The following LRP1B variants were observed in gnomAD, a reference collection of about 807,000 sequenced individuals.
The protein encoded by LRP1B is LDL receptor related protein 1B, also known as low-density lipoprotein receptor-related protein 1B.
LRP1B carries 217 observed loss-of-function variants against 556.6 expected under a neutral mutation model. The ratio of observed to expected loss-of-function variants is 0.39; its 90% CI spans 0.35 to 0.44. The LOEUF is 0.44. LRP1B is among the 20% of genes least tolerant of loss of function. The pLI is 1.00. For missense variants in LRP1B, 5,053 were observed against 5,620.8 expected, an observed-to-expected ratio of 0.90 and a Z score of 3.23; for synonymous variants, 2,047 against 1,865.8, an observed-to-expected ratio of 1.10 and a Z score of -2.50.
rs1681200002 is a variant in LRP1B, at chr2:140,247,121, G to T, written c.13289C>A (p.Ala4430Asp). The part of the protein sequence containing the change: ...NWSGTQCERP[A>D]PKSSKSDHIS... The stretch of plus-strand genomic sequence containing the variant: ...ATGATCAGACTTGCTGCTCTTTGGG[G>T]CTGGCCTTTCACACTGTGTGCCTGA... The change falls in exon 87 of 91, where the codon GCC (alanine) becomes GAC (aspartate). Residue 4430 changes from alanine to aspartate, a missense_variant. Around this residue, in one of 5 missense-constraint regions of LRP1B, gnomAD observed 551 missense variants for 592.0 expected, o/e 0.93. Transcript: ENST00000389484. 1.9e-6 allele frequency: 3 copies of T among 1,609,404 alleles called. No individual in the cohort carries two copies. Among genetic ancestry groups the T allele is most frequent in the Non-Finnish European group, 2.5e-6 (3 of 1,176,768 alleles).
chr2:141,554,300 A>G (rs889307583), intron 2 of LRP1B, among the ~76,000 whole-genome samples: 3 of 139,068 alleles, frequency 2.2e-5, no homozygotes, highest in African/African-American at 9.0e-5. Flanking sequence ...GATATAGATT[A>G]TATATATCTA....
In LRP1B at chr2:141,591,199, TC is replaced by T. The variant is rs1687321941; in HGVS notation, c.206-110667del. Among the ~76,000 whole-genome samples the T allele has an allele frequency of 2.6e-5, 4 of 152,210 alleles. No homozygotes were observed. In the South Asian group the frequency reaches 6.2e-4, roughly 24 times the overall value. On this transcript the variant is annotated intron_variant, in intron 2 of 90. Transcript: ENST00000389484. ...CATTTTCACTTCCCTCTCTCATACT[TC>T]CTAATTACTCCAGAGCTTCATGTAG...
At chr2:140,463,183 G>A (rs1687394275) in intron 60 of LRP1B, among the ~76,000 whole-genome samples, 1 of 152,108 alleles carries the variant, frequency 6.6e-6, no homozygotes, top group South Asian at 2.1e-4. Flanking sequence ...CCAGTGGGAG[G>A]GTGGGTGGAT....
intron 35 of LRP1B, among the ~76,000 whole-genome samples, chr2:140,757,708 G>A (rs947139161): frequency 9.9e-5 from 15 of 151,984 alleles, no homozygotes; most frequent in South Asian, 2.1e-4. Context: ...TGGCAAAACC[G>A]CATCTCTGCT....
chr2:141,459,009 C>T lies in LRP1B; in HGVS notation c.343+21387G>A, dbSNP rs949264492. 4.6e-5 allele frequency among the ~76,000 whole-genome samples: 7 copies of T among 152,144 alleles called. No homozygotes were observed. The East Asian group carries it at 1.4e-3, about 29-fold the overall frequency. On this transcript the variant is annotated intron_variant, in intron 3 of 90. Transcript: ENST00000389484. ...ACAACTGCTGTCCAGGTTTCTAAAA[C>T]AGACAAAATGGCAGTCCAGAAACAC...
At chr2:141,366,209 G>A (rs1438196475) in intron 3 of LRP1B, among the ~76,000 whole-genome samples, 1 of 152,104 alleles carries the variant, frequency 6.6e-6, no homozygotes, top group African/African-American at 2.4e-5. Context: ...TAGAGATACA[G>A]AAATAATTTT....
intron 3 of LRP1B, among the ~76,000 whole-genome samples, chr2:141,430,812 T>C (rs1470080131): frequency 9.2e-5 from 14 of 152,024 alleles, no homozygotes; most frequent in Admixed American, 9.2e-4. Flanking sequence ...GCAGAGACAA[T>C]TAAGGTTCCT....
intron 2 of LRP1B, among the ~76,000 whole-genome samples, chr2:141,617,138 G>A (rs766514843): frequency 2.0e-5 from 3 of 151,838 alleles, no homozygotes; most frequent in Admixed American, 1.3e-4. Flanking sequence ...GATTACATTC[G>A]GGTGTCTGCC....
chr2:141,159,799 A>G (rs1239791956), intron 7 of LRP1B, among the ~76,000 whole-genome samples: 1 of 152,220 alleles, frequency 6.6e-6, no homozygotes, highest in Non-Finnish European at 1.5e-5. Flanking sequence ...TTAGTTAAAA[A>G]TATATGGCAA....
intron 41 of LRP1B, among the ~76,000 whole-genome samples, chr2:140,637,701 T>C (rs1684121000): frequency 6.6e-6 from 1 of 152,128 alleles, no homozygotes; most frequent in Admixed American, 6.6e-5. Context: ...TGCAGTCTCA[T>C]AAAAAGGAAG....
chr2:141,642,824 A>G (rs1010154895), intron 2 of LRP1B, among the ~76,000 whole-genome samples: 1 of 152,130 alleles, frequency 6.6e-6, no homozygotes, highest in African/African-American at 2.4e-5. Context: ...GTTCTTAGAG[A>G]GATTAAAATG....
chr2:141,453,693 G>A (rs1346963838), intron 3 of LRP1B, among the ~76,000 whole-genome samples: 1 of 152,110 alleles, frequency 6.6e-6, no homozygotes, highest in Non-Finnish European at 1.5e-5. Flanking sequence ...CGAGGCAGGT[G>A]GATGTCCTGA....
intron 2 of LRP1B, among the ~76,000 whole-genome samples, chr2:141,525,380 G>A (rs1684663373): frequency 6.6e-6 from 1 of 152,002 alleles, no homozygotes; most frequent in Admixed American, 6.6e-5. Context: ...AACTGGAATA[G>A]GCTACTGCTT....
intron 7 of LRP1B, among the ~76,000 whole-genome samples, chr2:141,170,466 G>A (rs1017482782): frequency 2.6e-5 from 4 of 151,990 alleles, no homozygotes; most frequent in Non-Finnish European, 5.9e-5. Context: ...TTTTCACTCC[G>A]AAAGAAATGG....
chr2:142,016,211 C>T (rs962197602), intron 1 of LRP1B, among the ~76,000 whole-genome samples: 9 of 151,984 alleles, frequency 5.9e-5, no homozygotes, highest in East Asian at 5.8e-4. Flanking sequence ...GAAATAGGAA[C>T]GCTTTTACAC....
At chr2:140,984,440 G>A (rs1419625446) in intron 17 of LRP1B, among the ~76,000 whole-genome samples, 4 of 151,394 alleles carry the variant, frequency 2.6e-5, no homozygotes, top group Admixed American at 2.6e-4. Flanking sequence ...ATTCTAATTG[G>A]CCTGTAATAA....
chr2:140,346,487 G>A (rs901923938), intron 77 of LRP1B, among the ~76,000 whole-genome samples: 1 of 151,828 alleles, frequency 6.6e-6, no homozygotes, highest in Admixed American at 6.6e-5. Context: ...ACCACAAATG[G>A]TAATGATGTA....
chr2:140,324,490 C>A (rs1680345521), intron 80 of LRP1B, among the ~76,000 whole-genome samples: 3 of 151,966 alleles, frequency 2.0e-5, no homozygotes. Context: ...GTTTATTAAG[C>A]AATCAATCAA....
chr2:141,994,700 C>T (rs919727914), intron 1 of LRP1B, among the ~76,000 whole-genome samples: 1 of 152,046 alleles, frequency 6.6e-6, no homozygotes, highest in African/African-American at 2.4e-5. Flanking sequence ...CTCTGTTGCC[C>T]TACAGCAGGA....
Sources: gnomAD v4.1 joint callset for allele counts (sites outside exome capture counted in the v4.1 genomes callset) on GRCh38, gnomAD v4.1.1 for gene constraint, gnomAD v4.1.1 regional missense constraint, MANE v1.5 for transcripts, NCBI Gene and HGNC (gene_info 2026-07-23, HGNC 2026-07-21) for gene names.